Variants in RBFOX1 observed in about 807,000 individuals in gnomAD.
RBFOX1 encodes the protein RNA binding fox-1 homolog 1.
RBFOX1 carries 8 observed loss-of-function variants against 57.7 expected under a neutral mutation model. The ratio of observed to expected loss-of-function variants is 0.14; its 90% CI spans 0.08 to 0.25. The LOEUF is 0.25. RBFOX1 is among the 10% of genes least tolerant of loss of function. The pLI, the probability that RBFOX1 is intolerant of heterozygous loss-of-function variation, is 1.00. For synonymous variants in RBFOX1, 326 were observed against 222.4 expected (o/e 1.47, Z -4.15); for missense variants, 611 against 548.5 (o/e 1.11, Z -1.14).
intron 2 of RBFOX1, among the ~76,000 whole-genome samples, chr16:6,458,049 G>A (rs537943314): frequency 3.3e-5 from 5 of 152,012 alleles, no homozygotes. Context: ...TTTCTTTGTA[G>A]CATGTTTTTA....
chr16:6,489,193 G>C (rs942100684), intron 2 of RBFOX1, among the ~76,000 whole-genome samples: 1 of 152,146 alleles, frequency 6.6e-6, no homozygotes, highest in African/African-American at 2.4e-5. Context: ...CACTAGAAGA[G>C]AAATGTAACG....
chr16:6,525,071 C>A (rs985151174), intron 2 of RBFOX1, among the ~76,000 whole-genome samples: 1 of 152,172 alleles, frequency 6.6e-6, no homozygotes, highest in African/African-American at 2.4e-5. Context: ...TTGTACAGGA[C>A]ATTCCCTCCC....
chr16:7,195,753 G>A (rs545372734), intron 4 of RBFOX1, among the ~76,000 whole-genome samples: 39 of 152,082 alleles, frequency 2.6e-4, no homozygotes, highest in Non-Finnish European at 4.3e-4. Flanking sequence ...GGATTTCACC[G>A]TGTTGGCCAG....
At chr16:6,189,860 C>G (rs547275297) in intron 1 of RBFOX1, among the ~76,000 whole-genome samples, 1 of 152,136 alleles carries the variant, frequency 6.6e-6, no homozygotes. Context: ...AGCTTTTTCA[C>G]TTGATGTGAT....
chr16:6,286,153 T>G (rs1180535597), intron 1 of RBFOX1, among the ~76,000 whole-genome samples: 1 of 152,196 alleles, frequency 6.6e-6, no homozygotes, highest in African/African-American at 2.4e-5. Flanking sequence ...AATAAATTAT[T>G]GGAGTCTCAG....
At chr16:6,794,536 T>G (rs1185186052) in intron 3 of RBFOX1, among the ~76,000 whole-genome samples, 2 of 152,140 alleles carry the variant, frequency 1.3e-5, no homozygotes, top group East Asian at 3.9e-4. Context: ...TTCCTAATTA[T>G]TTTAAGTGAT....
chr16:5,600,327 CAA>C (rs1490844364), downstream of RBFOX1, among the ~76,000 whole-genome samples: 1 of 149,722 alleles, frequency 6.7e-6, no homozygotes, highest in Non-Finnish European at 1.5e-5. Flanking sequence ...AAAAAAAAAA[CAA>C]AACCAAATTA....
intron 2 of RBFOX1, among the ~76,000 whole-genome samples, chr16:5,582,389 C>T (rs4786721): frequency 0.18 from 27,242 of 151,970 alleles, 2,793 homozygotes; most frequent in Admixed American, 0.22. Context: ...CCACACTGGC[C>T]GTCGTGATTG....
At chr16:6,620,402 C>G (rs1053024966) in intron 2 of RBFOX1, among the ~76,000 whole-genome samples, 7 of 152,100 alleles carry the variant, frequency 4.6e-5, no homozygotes, top group Non-Finnish European at 8.8e-5. Flanking sequence ...TTAGAAAGAT[C>G]TCAAGGTAAC....
intron 3 of RBFOX1, among the ~76,000 whole-genome samples, chr16:5,688,410 T>C (rs1051170317): frequency 6.6e-6 from 1 of 152,258 alleles, no homozygotes; most frequent in Non-Finnish European, 1.5e-5. Flanking sequence ...AATTTATGTC[T>C]GTACAAAGCT....
chr16:6,876,192 A>G (rs891940552), intron 3 of RBFOX1, among the ~76,000 whole-genome samples: 4 of 152,010 alleles, frequency 2.6e-5, no homozygotes, highest in Non-Finnish European at 4.4e-5. Context: ...CTCAAAAAAA[A>G]CAAAGCAAAG....
At chr16:6,338,741 C>A (rs1454092724) in intron 2 of RBFOX1, among the ~76,000 whole-genome samples, 1 of 152,130 alleles carries the variant, frequency 6.6e-6, no homozygotes, top group Non-Finnish European at 1.5e-5. Context: ...TCAAAGAGTG[C>A]ATGTTTAACC....
intron 4 of RBFOX1, among the ~76,000 whole-genome samples, chr16:7,350,140 C>A (rs540646554): frequency 7.9e-5 from 12 of 151,906 alleles, no homozygotes; most frequent in Admixed American, 7.9e-4. Flanking sequence ...GAGCCAAATT[C>A]CATCTAAAAA....
chr16:5,787,246 C>G (rs923796222), intron 3 of RBFOX1, among the ~76,000 whole-genome samples: 4 of 152,152 alleles, frequency 2.6e-5, no homozygotes, highest in African/African-American at 9.7e-5. Flanking sequence ...GTGAGCACAC[C>G]AAGGACACTG....
chr16:5,703,949 T>C (rs543236012), intron 3 of RBFOX1, among the ~76,000 whole-genome samples: 1 of 152,212 alleles, frequency 6.6e-6, no homozygotes, highest in Non-Finnish European at 1.5e-5. Flanking sequence ...ACTATTGCCA[T>C]GATTATTATG....
intron 1 of RBFOX1, among the ~76,000 whole-genome samples, chr16:6,069,286 T>C (rs1249962278): frequency 6.6e-6 from 1 of 151,292 alleles, no homozygotes; most frequent in Non-Finnish European, 1.5e-5. Context: ...TAATTCCAAC[T>C]ACTCGGGAGG....
intron 4 of RBFOX1, among the ~76,000 whole-genome samples, chr16:7,286,576 A>G (rs1472556699): frequency 6.7e-6 from 1 of 148,562 alleles, no homozygotes; most frequent in Admixed American, 6.7e-5. Context: ...CAGCCTCCTG[A>G]ATAGCTGGAA....
rs9922340 is a variant in RBFOX1, at chr16:6,042,803, C to A, written c.-127+22811C>A. ...ATTGGTTCAGCAAAGAAAGGCAGGA[C>A]ATCTTGAAATGGGGGTAAGTAGCCT... On this transcript the variant is annotated intron_variant, in intron 1 of 15. Coordinates refer to ENST00000550418, the MANE Select transcript of RBFOX1 (RefSeq NM_018723.4). Among the ~76,000 whole-genome samples the A allele has an allele frequency of 7.7e-3, 1,178 of 152,194 alleles. 16 individuals carry two copies. Among genetic ancestry groups the A allele is most frequent in the African/African-American group, 0.027 (1,135 of 41,534 alleles).
chr16:7,014,434 G>T (rs1597038653), intron 3 of RBFOX1, among the ~76,000 whole-genome samples: 1 of 151,272 alleles, frequency 6.6e-6, no homozygotes, highest in East Asian at 2.0e-4. Context: ...TAAAGTAGGG[G>T]TGGGGTTTTA....
Sources: allele counts gnomAD v4.1 joint callset (sites outside exome capture counted in the v4.1 genomes callset), GRCh38; gene constraint gnomAD v4.1.1; transcripts MANE v1.5; gene names NCBI Gene and HGNC (gene_info 2026-07-23, HGNC 2026-07-21).